ALPL: variants seen among roughly 807,000 people sequenced by gnomAD.
ALPL encodes alkaline phosphatase, tissue-nonspecific isozyme.
Under a neutral mutation model 51.3 loss-of-function variants are expected in ALPL, and 42 were observed. The ratio of observed to expected loss-of-function variants is 0.82; its 90% CI spans 0.64 to 1.06. The LOEUF (loss-of-function observed/expected upper bound fraction) is 1.06, where lower values mean the gene tolerates loss of function less well. Among genes scored for constraint, ALPL ranks in the 50% least tolerant of loss-of-function variants. ALPL has a pLI of 0.00. For missense variants in ALPL, 589 were observed against 709.4 expected, an observed-to-expected ratio of 0.83 and a Z score of 1.93; for synonymous variants, 279 against 296.4, an observed-to-expected ratio of 0.94 and a Z score of 0.60.
intron 6 of ALPL, among the ~76,000 whole-genome samples, chr1:21,567,251 G>A (rs1208587079): frequency 6.6e-6 from 1 of 152,206 alleles, no homozygotes; most frequent in African/African-American, 2.4e-5. Flanking sequence ...TGGCACCCGC[G>A]GTGACAAGAG....
chr1:21,564,269 G>A lies in ALPL; in HGVS notation c.648+53G>A. ...GACGGGGTGAGGCGGGGCCTCTGGT[G>A]GGCAGGAGGCCTCAGGCCCAGGCTG... is the stretch of plus-strand genomic sequence containing the variant. On this transcript the variant is annotated intron_variant, in intron 6 of 11. Transcript: ENST00000374840. This position sits in a 1 kb window ranked among gnomAD's most constrained non-coding sequence, Gnocchi z 5.8. The A allele has an allele frequency of 6.2e-7, 1 of 1,602,322 alleles. No homozygotes were observed.
chr1:21,573,741 G>A lies in ALPL; in HGVS notation c.939G>A (p.Val313=). The A allele has an allele frequency of 6.2e-7, 1 of 1,614,192 alleles. No individual in the cohort carries two copies. The highest frequency in any genetic ancestry group is 8.5e-7 in the Non-Finnish European group (1 of 1,180,036). Residue 313 remains valine (V), a synonymous_variant, in exon 9 of 12, where the codon GTG becomes GTA. Coordinates refer to ENST00000374840, the MANE Select transcript of ALPL (RefSeq NM_000478.6). ...CGGACCCGTCACTCTCCGAGATGGT[G>A]GTGGTGGCCATCCAGATCCTGCGGA... ...NVTDPSLSEM[V]VVAIQILRKN...
At position 21,563,304 on chromosome 1, in the gene ALPL, G is replaced by A. The variant is rs1243921605; in HGVS notation, c.472+20G>A. 1 of 1,602,966 alleles carries A rather than the reference G, an allele frequency of 6.2e-7. No individual in the cohort carries two copies. Among genetic ancestry groups the A allele is most frequent in the African/African-American group, 1.3e-5 (1 of 74,800 alleles). ...ACGCTGGTGAGTCGGGGGAGCAGTG[G>A]GGAGCAGGGCCAGCTTCGTGGCCTG... On this transcript the variant is annotated intron_variant, in intron 5 of 11. Transcript: ENST00000374840.
intron 1 of ALPL, among the ~76,000 whole-genome samples, chr1:21,532,873 T>A (rs1644049178): frequency 2.6e-5 from 4 of 152,220 alleles, no homozygotes; most frequent in African/African-American, 7.2e-5. Flanking sequence ...CCAGGGTGCC[T>A]GTCCTGATTC....
intron 1 of ALPL, among the ~76,000 whole-genome samples, chr1:21,510,335 G>A (rs1320925733): frequency 1.3e-5 from 2 of 152,166 alleles, no homozygotes; most frequent in East Asian, 3.9e-4. Flanking sequence ...GGTCGAAGGC[G>A]GGGCCTTTAC....
chr1:21,577,389 A>G lies in ALPL; in HGVS notation c.1316A>G (p.Asn439Ser), dbSNP rs368408859. 9 of 1,613,280 alleles carry G rather than the reference A, an allele frequency of 5.6e-6. 1 individual carries two copies. In the African/African-American group the frequency reaches 1.2e-4, roughly 21 times the overall value. ...ENVSMVDYAH[N>S]NYQAQSAVPL... ...TGTTTCCCCTGGCCCACAGCTCACA[A>G]CAACTACCAGGCGCAGTCTGCTGTG... is the stretch of plus-strand genomic sequence containing the variant. Residue 439 changes from asparagine (N) to serine (S), a missense_variant, in exon 12 of 12, where the codon AAC becomes AGC. Transcript: ENST00000374840.
intron 1 of ALPL, among the ~76,000 whole-genome samples, chr1:21,524,001 T>C (rs977242133): frequency 1.5e-4 from 3 of 20,240 alleles, no homozygotes; most frequent in African/African-American, 2.2e-4. Context: ...AATCTCTGCT[T>C]TTTTTTTTTT....
At chr1:21,528,002 T>G (rs1042963006) in intron 1 of ALPL, among the ~76,000 whole-genome samples, 5 of 105,434 alleles carry the variant, frequency 4.7e-5, no homozygotes, top group African/African-American at 8.9e-5. Flanking sequence ...TGTGTACGTG[T>G]TTTTTTTTTT....
chr1:21,511,822 T>A (rs2148049253), intron 1 of ALPL, among the ~76,000 whole-genome samples: 1 of 152,276 alleles, frequency 6.6e-6, no homozygotes, highest in East Asian at 1.9e-4. Context: ...ATACCCAACA[T>A]TCCCTGCAAG....
chr1:21,519,549 C>A (rs1570168464), intron 1 of ALPL, among the ~76,000 whole-genome samples: 1 of 152,206 alleles, frequency 6.6e-6, no homozygotes, highest in East Asian at 1.9e-4. Flanking sequence ...GTAATCCCAG[C>A]ACTTTGGGAG....
chr1:21,552,114 T>TCCCCCCCCCCCCCCC (rs1244827813), intron 1 of ALPL, among the ~76,000 whole-genome samples: 2 of 51,434 alleles, frequency 3.9e-5, no homozygotes, highest in African/African-American at 7.1e-5. Context: ...TTTCCTCCCC[T>TCCCCCCCCCCCCCCC]TCCCTTTCCT....
chr1:21,539,673 G>A (rs1383238436), intron 1 of ALPL, among the ~76,000 whole-genome samples: 1 of 72,710 alleles, frequency 1.4e-5, no homozygotes, highest in Admixed American at 1.5e-4. Flanking sequence ...TTTTTTTTTT[G>A]AGATGGAGTC....
intron 2 of ALPL, among the ~76,000 whole-genome samples, chr1:21,556,759 C>T (rs1301791518): frequency 6.6e-6 from 1 of 151,884 alleles, no homozygotes; most frequent in African/African-American, 2.4e-5. Context: ...TCCAACATGG[C>T]AAAAACTCCT....
chr1:21,515,880 T>TTGA (rs1246756039), intron 1 of ALPL, among the ~76,000 whole-genome samples: 5 of 150,870 alleles, frequency 3.3e-5, no homozygotes, highest in Admixed American at 3.3e-4. Flanking sequence ...TTTGTTGTTG[T>TTGA]TGTTTTTTGA....
At chr1:21,557,161 G>A (rs531489582) in intron 2 of ALPL, among the ~76,000 whole-genome samples, 1 of 152,134 alleles carries the variant, frequency 6.6e-6, no homozygotes, top group African/African-American at 2.4e-5. Flanking sequence ...AGCCTTCCTC[G>A]GCTCAGTCCA....
chr1:21,555,047 A>G (rs1644395380), intron 2 of ALPL, among the ~76,000 whole-genome samples: 2 of 151,786 alleles, frequency 1.3e-5, no homozygotes, highest in Admixed American at 6.6e-5. Flanking sequence ...CAGGCGGGCT[A>G]AGTCCAAAAA....
intron 1 of ALPL, among the ~76,000 whole-genome samples, chr1:21,520,125 T>C (rs1436980171): frequency 1.3e-5 from 2 of 152,074 alleles, no homozygotes; most frequent in Non-Finnish European, 1.5e-5. Flanking sequence ...TTTTTTGTTG[T>C]TGTTGTTTGT....
intron 2 of ALPL, among the ~76,000 whole-genome samples, chr1:21,554,450 T>A (rs886984894): frequency 6.1e-5 from 9 of 147,870 alleles, no homozygotes; most frequent in Non-Finnish European, 1.3e-4. Context: ...ATATATATAT[T>A]TTTCCATATA....
At chr1:21,526,341 T>G (rs1643940773) in intron 1 of ALPL, among the ~76,000 whole-genome samples, 1 of 152,126 alleles carries the variant, frequency 6.6e-6, no homozygotes, top group Non-Finnish European at 1.5e-5. Flanking sequence ...GGTTTCACCA[T>G]GTTGGCCAGG....
Sources: allele counts gnomAD v4.1 joint callset (sites outside exome capture counted in the v4.1 genomes callset), GRCh38; gene constraint gnomAD v4.1.1; non-coding constraint Gnocchi (gnomAD v3.1); transcripts MANE v1.5; gene names NCBI Gene and HGNC (gene_info 2026-07-23, HGNC 2026-07-21).